P3H2: variants seen among roughly 807,000 people sequenced by gnomAD.
The protein encoded by P3H2 is prolyl 3-hydroxylase 2, also known as leprecan-like 1.
Under a neutral mutation model 87.0 loss-of-function variants are expected in P3H2, and 80 were observed. The ratio of observed to expected loss-of-function variants is 0.92; its 90% CI spans 0.77 to 1.11. The LOEUF is 1.11. P3H2 is among the 50% of genes least tolerant of loss of function. The probability of loss-of-function intolerance (pLI) is 0.00; values close to 1 mark genes in which losing one functional copy is unlikely to be tolerated. For missense variants in P3H2, 1,001 were observed against 923.9 expected (o/e 1.08, Z -1.08); for synonymous variants, 367 against 359.3 (o/e 1.02, Z -0.24).
intron 1 of P3H2, among the ~76,000 whole-genome samples, chr3:190,110,870 C>G (rs913162308): frequency 2.6e-5 from 4 of 152,270 alleles, no homozygotes; most frequent in Admixed American, 2.6e-4. Context: ...TATTTTATTA[C>G]ATATTTTGCT....
upstream of P3H2, chr3:190,121,224 T>C (rs1296071571): frequency 3.3e-5 from 5 of 153,046 alleles, no homozygotes; most frequent in African/African-American, 1.2e-4. Context: ...TGCAGAGTGC[T>C]TCACCTTCTA....
At chr3:190,114,416 G>A (rs1712207854) in intron 1 of P3H2, among the ~76,000 whole-genome samples, 1 of 151,842 alleles carries the variant, frequency 6.6e-6, no homozygotes, top group Non-Finnish European at 1.5e-5. Flanking sequence ...TCGATCTCCT[G>A]ACCTCGTGAT....
chr3:190,070,767 G>A (rs959549727), intron 1 of P3H2, among the ~76,000 whole-genome samples: 1 of 152,140 alleles, frequency 6.6e-6, no homozygotes, highest in African/African-American at 2.4e-5. Context: ...GAATTTCCAT[G>A]ACCTCAAACT....
intron 1 of P3H2, among the ~76,000 whole-genome samples, chr3:190,063,724 T>C (rs1726407159): frequency 6.6e-6 from 1 of 152,154 alleles, no homozygotes; most frequent in Admixed American, 6.6e-5. Context: ...TTGGAGTGAG[T>C]GAAGCCTGTA....
Position 189,987,870 on chromosome 3 carries a change from T to A in P3H2, c.956-201A>T, listed in dbSNP as rs1306382275. The A allele has an allele frequency of 2.0e-5, 12 of 607,738 alleles. No homozygotes were observed. The African/African-American group carries it at 2.0e-4, about 10-fold the overall frequency. The allele number at this position is 607,738 out of a possible 1,614,324, so 37.6% of individuals were successfully genotyped here. On this transcript the variant is annotated intron_variant, in intron 4 of 14. Transcript: ENST00000319332. Reference sequence around the variant, plus strand: ...TCAAGTATTCAAAAGTTATTACCTTTGGTCTGCTTTGGTACTAGTTGTTTT... The same window carrying A: ...TCAAGTATTCAAAAGTTATTACCTTAGGTCTGCTTTGGTACTAGTTGTTTT...
intron 1 of P3H2, among the ~76,000 whole-genome samples, chr3:190,043,048 G>A (rs1359036848): frequency 6.6e-6 from 1 of 152,132 alleles, no homozygotes; most frequent in African/African-American, 2.4e-5. Context: ...TTAGCAAAGG[G>A]TTGTGAGAGA....
chr3:190,018,752 A>G (rs760173209), intron 1 of P3H2, among the ~76,000 whole-genome samples: 2 of 152,180 alleles, frequency 1.3e-5, no homozygotes, highest in Non-Finnish European at 2.9e-5. Flanking sequence ...TCCACTACTT[A>G]ATGCTGCAGT....
chr3:190,094,674 C>G (rs1397055354), intron 1 of P3H2, among the ~76,000 whole-genome samples: 1 of 152,132 alleles, frequency 6.6e-6, no homozygotes, highest in Non-Finnish European at 1.5e-5. Flanking sequence ...CTGCCCAACC[C>G]AAAACAGGAA....
At position 189,974,557 on chromosome 3, in the gene P3H2, C is replaced by T. The variant is rs1064796858; in HGVS notation, c.1452+1G>A. The T allele has an allele frequency of 1.9e-6, 3 of 1,613,612 alleles. No homozygotes were observed. The highest frequency in any genetic ancestry group is 2.5e-6 in the Non-Finnish European group (3 of 1,180,022). The stretch of plus-strand genomic sequence containing the variant: ...GCTCCCCTCCTTCTCCGGATCCTCA[C>T]ACTGGCCACGCTGTGGAGCTCCCGG... On this transcript the variant is annotated splice_donor_variant, in intron 9 of 14. Coordinates refer to ENST00000319332, the MANE Select transcript of P3H2 (RefSeq NM_018192.4). LOFTEE classifies it high-confidence loss of function.
At chr3:190,001,978 T>A (rs1021642009) in intron 1 of P3H2, among the ~76,000 whole-genome samples, 2 of 152,208 alleles carry the variant, frequency 1.3e-5, no homozygotes, top group African/African-American at 4.8e-5. Context: ...TTGTTCAACC[T>A]ACTGAATTAA....
At chr3:190,008,872 T>G (rs1577269951) in intron 1 of P3H2, among the ~76,000 whole-genome samples, 2 of 150,212 alleles carry the variant, frequency 1.3e-5, no homozygotes, top group Admixed American at 6.7e-5. Context: ...ATCTGGGGGG[T>G]GGGGTGGGAA....
At chr3:190,024,469 G>C (rs1342646184) in intron 1 of P3H2, among the ~76,000 whole-genome samples, 1 of 149,506 alleles carries the variant, frequency 6.7e-6, no homozygotes, top group Non-Finnish European at 1.5e-5. Flanking sequence ...CTTGAACTGG[G>C]GAGGCAGAGG....
At chr3:190,000,214 T>C (rs1724168047) in intron 1 of P3H2, among the ~76,000 whole-genome samples, 1 of 152,176 alleles carries the variant, frequency 6.6e-6, no homozygotes, top group African/African-American at 2.4e-5. Flanking sequence ...TTATACCAAC[T>C]CTTTCCAGAG....
chr3:190,122,094 A>AAAAAAG (rs59649352), upstream of P3H2: 2 of 148,096 alleles, frequency 1.4e-5, no homozygotes, highest in Non-Finnish European at 3.0e-5. Flanking sequence ...AACAAAAAAA[A>AAAAAAG]CAAAGAAAAA....
intron 1 of P3H2, among the ~76,000 whole-genome samples, chr3:190,048,657 C>T (rs946167742): frequency 6.6e-6 from 1 of 152,000 alleles, no homozygotes; most frequent in African/African-American, 2.4e-5. Context: ...ACATCACTGG[C>T]TATAAAAATT....
intron 1 of P3H2, among the ~76,000 whole-genome samples, chr3:190,096,702 C>A (rs1727599056): frequency 6.6e-6 from 1 of 152,196 alleles, no homozygotes; most frequent in African/African-American, 2.4e-5. Flanking sequence ...TATTCTCACA[C>A]CCACCTTCTT....
At chr3:190,116,634 G>C (rs754379272) in intron 1 of P3H2, 15 of 152,266 alleles carry the variant, frequency 9.9e-5, no homozygotes, top group Non-Finnish European at 1.3e-4. Context: ...GGTTGAGAGG[G>C]AGCCAGGCTG....
At chr3:189,975,339 C>T (rs1004412115) in intron 8 of P3H2, among the ~76,000 whole-genome samples, 8 of 152,156 alleles carry the variant, frequency 5.3e-5, no homozygotes, top group African/African-American at 1.9e-4. Flanking sequence ...AAATTAACTC[C>T]AGATAGGCTC....
intron 1 of P3H2, among the ~76,000 whole-genome samples, chr3:189,996,435 G>A (rs1013187482): frequency 1.5e-4 from 23 of 152,142 alleles, no homozygotes; most frequent in African/African-American, 4.8e-4. Context: ...AGAGTGGAAC[G>A]GTGATTGCCA....
Sources: allele counts gnomAD v4.1 joint callset (sites outside exome capture counted in the v4.1 genomes callset), GRCh38; gene constraint gnomAD v4.1.1; transcripts MANE v1.5; gene names NCBI Gene and HGNC (gene_info 2026-07-23, HGNC 2026-07-21).